The following TENM1 variants were observed in gnomAD, a reference collection of about 807,000 sequenced individuals.
TENM1 encodes the protein teneurin-1.
Under a neutral mutation model 174.8 loss-of-function variants are expected in TENM1, and 35 were observed. That is an observed-to-expected ratio of 0.20 (90% CI 0.15 to 0.27). The LOEUF is 0.27. TENM1 is among the 10% of genes least tolerant of loss of function. The pLI is 1.00. For synonymous variants in TENM1, 781 were observed against 798.7 expected, an observed-to-expected ratio of 0.98 and a Z score of 0.37; for missense variants, 1,633 against 2,130.1, an observed-to-expected ratio of 0.77 and a Z score of 4.59.
intron 3 of TENM1, among the ~76,000 whole-genome samples, chrX:124,756,443 C>G (rs2054245441): frequency 9.3e-6 from 1 of 107,819 alleles, no homozygotes; most frequent in African/African-American, 3.5e-5. Flanking sequence ...GAATTTCCTC[C>G]TGTAGCTCGG....
the TENM1 span, among the ~76,000 whole-genome samples, chrX:125,163,213 G>C: frequency 9.0e-6 from 1 of 111,244 alleles, no homozygotes; most frequent in African/African-American, 3.3e-5. Context: ...AACTGCCACA[G>C]AGAAGTGGTT....
chrX:124,732,901 G>T (rs1415736744), intron 4 of TENM1, among the ~76,000 whole-genome samples: 1 of 112,090 alleles, frequency 8.9e-6, no homozygotes, highest in East Asian at 2.8e-4. Context: ...TTCCTTTGGG[G>T]ATTGACCAGA....
intron 11 of TENM1, among the ~76,000 whole-genome samples, chrX:124,583,037 G>A (rs919913886): frequency 9.8e-5 from 11 of 112,343 alleles, no homozygotes; most frequent in African/African-American, 3.6e-4. Flanking sequence ...TGGGAAGCTC[G>A]AACTGGGTGG....
chrX:124,892,454 GA>G (rs1448344630), intron 3 of TENM1, among the ~76,000 whole-genome samples: 4 of 111,459 alleles, frequency 3.6e-5, no homozygotes, highest in African/African-American at 1.3e-4. Context: ...AGGAAATGAG[GA>G]AAAAAATTCT....
the TENM1 span, among the ~76,000 whole-genome samples, chrX:125,169,560 G>A: frequency 9.0e-6 from 1 of 111,173 alleles, no homozygotes; most frequent in Non-Finnish European, 1.9e-5. Context: ...ACATTTAATA[G>A]TCTTCATTTT....
chrX:125,047,747 C>A, the TENM1 span, among the ~76,000 whole-genome samples: 5 of 111,442 alleles, frequency 4.5e-5, no homozygotes, highest in Non-Finnish European at 9.4e-5. Context: ...TTCATTAATT[C>A]AAAGGTGACT....
chrX:124,745,752 G>A (rs1344523465), intron 3 of TENM1, among the ~76,000 whole-genome samples: 8 of 111,008 alleles, frequency 7.2e-5, no homozygotes, highest in Non-Finnish European at 9.5e-5. Flanking sequence ...CCCTCTGAAC[G>A]ACAACAACAA....
At chrX:125,128,378 G>A in the TENM1 span, among the ~76,000 whole-genome samples, 1 of 111,539 alleles carries the variant, frequency 9.0e-6, no homozygotes, top group African/African-American at 3.3e-5. Context: ...GGACAATGAT[G>A]GTACCTACCG....
chrX:124,923,630 A>T (rs1398445764), intron 1 of TENM1, among the ~76,000 whole-genome samples: 1 of 112,293 alleles, frequency 8.9e-6, no homozygotes, highest in Non-Finnish European at 1.9e-5. Flanking sequence ...TAATCCGTTG[A>T]CATTAAGATA....
At chrX:124,583,451 T>C (rs990056071) in intron 11 of TENM1, among the ~76,000 whole-genome samples, 4 of 111,249 alleles carry the variant, frequency 3.6e-5, no homozygotes, top group African/African-American at 1.3e-4. Context: ...TCTAGCAAAC[T>C]CCAACAGACA....
intron 22 of TENM1, among the ~76,000 whole-genome samples, chrX:124,471,532 T>C (rs1396668537): frequency 1.4e-5 from 1 of 71,314 alleles, no homozygotes; most frequent in Non-Finnish European, 2.3e-5. Context: ...TAATATATAA[T>C]ATATAGTAAT....
At chrX:125,177,865 C>T in the TENM1 span, among the ~76,000 whole-genome samples, 3 of 111,959 alleles carry the variant, frequency 2.7e-5, no homozygotes, top group Non-Finnish European at 3.8e-5. Context: ...TCTATAAACA[C>T]GTAGCAAAAC....
chrX:124,978,278 T>C, the TENM1 span, among the ~76,000 whole-genome samples: 3 of 111,779 alleles, frequency 2.7e-5, no homozygotes, highest in South Asian at 1.1e-3. Flanking sequence ...ATTTTACTAG[T>C]CTGAACATAT....
the TENM1 span, among the ~76,000 whole-genome samples, chrX:125,086,670 TC>T: frequency 9.0e-6 from 1 of 110,952 alleles, no homozygotes; most frequent in Admixed American, 9.7e-5. Context: ...ACAGTATAAT[TC>T]ATAGGGACTA....
the TENM1 span, among the ~76,000 whole-genome samples, chrX:125,046,854 A>ATG: frequency 4.6e-5 from 4 of 87,310 alleles, no homozygotes; most frequent in South Asian, 5.0e-4. Context: ...GTGTGTGTGC[A>ATG]TGCGTGTGTG....
chrX:124,910,418 A>G (rs2057817074), intron 1 of TENM1, among the ~76,000 whole-genome samples: 1 of 112,113 alleles, frequency 8.9e-6, no homozygotes, highest in South Asian at 3.7e-4. Flanking sequence ...AGGTAAAACA[A>G]TCTATGAGGA....
chrX:124,428,677 G>GCC (rs772018867), intron 23 of TENM1, among the ~76,000 whole-genome samples: 1 of 111,921 alleles, frequency 8.9e-6, no homozygotes, highest in Non-Finnish European at 1.9e-5. Context: ...AAGTTGCTTA[G>GCC]CCCAGTGCCT....
intron 3 of TENM1, among the ~76,000 whole-genome samples, chrX:124,745,987 A>G (rs1426284840): frequency 8.9e-6 from 1 of 111,741 alleles, no homozygotes; most frequent in Non-Finnish European, 1.9e-5. Context: ...ACAATTCTGT[A>G]GGAAGGACAG....
chrX:124,462,894 T>G (rs749069391), intron 22 of TENM1, among the ~76,000 whole-genome samples: 2 of 111,839 alleles, frequency 1.8e-5, no homozygotes, highest in South Asian at 3.7e-4. Context: ...AAGGATGCAG[T>G]GACAATGTCT....
Sources: allele counts gnomAD v4.1 joint callset (sites outside exome capture counted in the v4.1 genomes callset), GRCh38; gene constraint gnomAD v4.1.1; transcripts MANE v1.5; gene names NCBI Gene and HGNC (gene_info 2026-07-23, HGNC 2026-07-21).